The following KCNJ6 variants were observed in gnomAD, a reference collection of about 807,000 sequenced individuals.
KCNJ6 encodes the protein G protein-activated inward rectifier potassium channel 2.
Under a neutral mutation model 34.2 loss-of-function variants are expected in KCNJ6, and 9 were observed. That is an observed-to-expected ratio of 0.26 (90% confidence interval 0.16 to 0.46). The LOEUF (loss-of-function observed/expected upper bound fraction) is 0.46, where lower values mean the gene tolerates loss of function less well. Ranked by LOEUF, KCNJ6 falls within the 20% of genes least tolerant of loss-of-function variation. KCNJ6 has a pLI of 1.00. For missense variants in KCNJ6, 236 were observed against 531.3 expected (o/e 0.44, Z 5.46); for synonymous variants, 196 against 207.1 (o/e 0.95, Z 0.46).
intron 3 of KCNJ6, among the ~76,000 whole-genome samples, chr21:37,694,975 C>T (rs765145172): frequency 5.3e-5 from 8 of 152,216 alleles, no homozygotes; most frequent in Non-Finnish European, 1.0e-4. Context: ...GGACTTCCAG[C>T]CTCCAGACTG....
At chr21:37,878,324 A>G (rs147557771) in intron 1 of KCNJ6, among the ~76,000 whole-genome samples, 24 of 151,932 alleles carry the variant, frequency 1.6e-4, no homozygotes, top group Admixed American at 5.9e-4. Flanking sequence ...AGTATTTTTT[A>G]TCAATATCCT....
intron 1 of KCNJ6, among the ~76,000 whole-genome samples, chr21:37,844,898 C>T (rs993915926): frequency 2.6e-5 from 4 of 152,146 alleles, no homozygotes; most frequent in South Asian, 4.1e-4. Flanking sequence ...TTCCAAAGCC[C>T]CATCTCAATA....
At chr21:37,818,637 CT>C (rs1217693105) in intron 2 of KCNJ6, among the ~76,000 whole-genome samples, 1 of 152,200 alleles carries the variant, frequency 6.6e-6, no homozygotes, top group Non-Finnish European at 1.5e-5. Context: ...CCCAACCCAA[CT>C]GCCTTTCAGG....
chr21:37,734,806 A>G (rs1198913903), intron 2 of KCNJ6, among the ~76,000 whole-genome samples: 1 of 152,150 alleles, frequency 6.6e-6, no homozygotes, highest in Non-Finnish European at 1.5e-5. Context: ...AAGTGAGCCT[A>G]TTAAGGGCTC....
intron 1 of KCNJ6, among the ~76,000 whole-genome samples, chr21:37,911,937 AT>A (rs953876530): frequency 3.3e-5 from 5 of 152,106 alleles, no homozygotes; most frequent in Non-Finnish European, 5.9e-5. Flanking sequence ...AACTATTCTA[AT>A]TTTTTTCCCT....
At chr21:37,827,551 A>G (rs1295822958) in intron 2 of KCNJ6, among the ~76,000 whole-genome samples, 1 of 152,078 alleles carries the variant, frequency 6.6e-6, no homozygotes, top group Non-Finnish European at 1.5e-5. Flanking sequence ...CGAGTCTTTA[A>G]AAGGGTTGAA....
intron 2 of KCNJ6, among the ~76,000 whole-genome samples, chr21:37,824,160 A>T (rs2055387886): frequency 6.6e-6 from 1 of 152,210 alleles, no homozygotes; most frequent in Non-Finnish European, 1.5e-5. Context: ...AAAAATGCAT[A>T]TTTTTGTTCT....
chr21:37,876,564 T>C (rs1219229230), intron 1 of KCNJ6, among the ~76,000 whole-genome samples: 2 of 152,098 alleles, frequency 1.3e-5, no homozygotes, highest in Admixed American at 1.3e-4. Context: ...TATCAGTGCA[T>C]ATATGTTCTG....
intron 3 of KCNJ6, 55 bp from the exon 4 acceptor site, chr21:37,625,539 C>T (rs1420326279): frequency 7.4e-7 from 1 of 1,353,754 alleles, no homozygotes; most frequent in African/African-American, 1.4e-5. Flanking sequence ...TTTCCATGGC[C>T]AAGGAGTCAC....
chr21:37,625,806 C>A (rs1374382337), intron 3 of KCNJ6, among the ~76,000 whole-genome samples: 2 of 152,372 alleles, frequency 1.3e-5, no homozygotes, highest in Middle Eastern at 3.4e-3. Flanking sequence ...TATGTCTGGT[C>A]CACTCTGCTC....
At chr21:37,883,665 C>T (rs778981165) in intron 1 of KCNJ6, among the ~76,000 whole-genome samples, 6 of 152,144 alleles carry the variant, frequency 3.9e-5, no homozygotes, top group Non-Finnish European at 8.8e-5. Flanking sequence ...CAGACAGGCA[C>T]GGGTCTGAAT....
chr21:37,714,575 A>G lies in KCNJ6; in HGVS notation c.582T>C (p.Ser194=), dbSNP rs1400521498. 2 of 1,614,130 alleles carry G rather than the reference A, an allele frequency of 1.2e-6. No homozygotes were observed. Among genetic ancestry groups the G allele is most frequent in the South Asian group, 1.1e-5 (1 of 91,064 alleles). ...FMVGCMFVKI[S]QPKKRAETLV... ...GGGTCTCTGCCCTCTTCTTGGGTTG[A>G]GAGATTTTTACAAACATGCATCCCA... Residue 194 remains serine, a synonymous_variant, in exon 3 of 4, where the codon TCT becomes TCC. Coordinates refer to ENST00000609713, the MANE Select transcript of KCNJ6 (RefSeq NM_002240.5). This position sits in a 1 kb window ranked among gnomAD's most constrained non-coding sequence, Gnocchi z 5.9.
At chr21:37,673,816 C>G (rs2054552397) in intron 3 of KCNJ6, among the ~76,000 whole-genome samples, 1 of 152,078 alleles carries the variant, frequency 6.6e-6, no homozygotes, top group Non-Finnish European at 1.5e-5. Flanking sequence ...ATCAGGCAAA[C>G]CAGTGGAGGA....
At chr21:37,698,137 A>T (rs755932928) in intron 3 of KCNJ6, among the ~76,000 whole-genome samples, 1 of 152,216 alleles carries the variant, frequency 6.6e-6, no homozygotes. Flanking sequence ...TTACTGCGGG[A>T]TCTCTGCTTT....
chr21:37,694,213 G>A (rs1375091706), intron 3 of KCNJ6, among the ~76,000 whole-genome samples: 8 of 152,196 alleles, frequency 5.3e-5, no homozygotes, highest in African/African-American at 1.9e-4. Flanking sequence ...TTCTGCTGCT[G>A]TGGAGGTGAC....
chr21:37,722,123 C>T (rs893867532), intron 2 of KCNJ6, among the ~76,000 whole-genome samples: 7 of 151,884 alleles, frequency 4.6e-5, no homozygotes, highest in Non-Finnish European at 7.4e-5. Flanking sequence ...AATCAATGTA[C>T]AAAAATCAGT....
chr21:37,656,432 T>G (rs7278236), intron 3 of KCNJ6, among the ~76,000 whole-genome samples: 23,772 of 152,204 alleles, frequency 0.16, 2,997 homozygotes, highest in African/African-American at 0.34. Context: ...AGACCCAGGC[T>G]GAGTCAAAGT....
chr21:37,631,732 C>T (rs1277590033), intron 3 of KCNJ6, among the ~76,000 whole-genome samples: 1 of 152,132 alleles, frequency 6.6e-6, no homozygotes, highest in African/African-American at 2.4e-5. Flanking sequence ...CAGAGAGAAA[C>T]CCTGCCTTTC....
At chr21:37,788,382 AT>A (rs1366383358) in intron 2 of KCNJ6, among the ~76,000 whole-genome samples, 1 of 152,192 alleles carries the variant, frequency 6.6e-6, no homozygotes, top group Non-Finnish European at 1.5e-5. Context: ...AATCAATAAA[AT>A]ACTGATTATA....
Sources: allele counts gnomAD v4.1 joint callset (sites outside exome capture counted in the v4.1 genomes callset), GRCh38; gene constraint gnomAD v4.1.1; non-coding constraint Gnocchi (gnomAD v3.1); transcripts MANE v1.5; gene names NCBI Gene and HGNC (gene_info 2026-07-23, HGNC 2026-07-21).